RAVER2: variants seen among roughly 807,000 people sequenced by gnomAD.
RAVER2 encodes the protein ribonucleoprotein PTB-binding 2.
In RAVER2, 46 loss-of-function variants were observed where a neutral mutation model predicts 78.1. That is an observed-to-expected ratio of 0.59 (90% CI 0.46 to 0.75). The LOEUF (loss-of-function observed/expected upper bound fraction) is 0.75, where lower values mean the gene tolerates loss of function less well. Among genes scored for constraint, RAVER2 ranks in the 30% least tolerant of loss-of-function variants. RAVER2 has a pLI of 0.00. For synonymous variants in RAVER2, 311 were observed against 313.3 expected (o/e 0.99, Z 0.08); for missense variants, 793 against 837.5 (o/e 0.95, Z 0.66).
Position 64,801,892 on chromosome 1 carries a change from G to A in RAVER2, c.1106-1084G>A, listed in dbSNP as rs2100870078. Among the ~76,000 whole-genome samples the A allele has an allele frequency of 2.0e-5, 3 of 152,290 alleles. No homozygotes were observed. The South Asian group carries it at 6.2e-4, about 32-fold the overall frequency. ...CAAAAACAAACAAACAAAAAAGAAT[G>A]GCTGCTCCATAGGCAGAACAGTGGC... On this transcript the variant is annotated intron_variant, in intron 5 of 11. Coordinates refer to ENST00000294428, the Ensembl canonical transcript of RAVER2.
intron 7 of RAVER2, 55 bp from the exon 8 acceptor site, chr1:64,804,936 T>C: frequency 6.4e-7 from 1 of 1,564,284 alleles, no homozygotes; most frequent in Non-Finnish European, 8.8e-7. Context: ...GTGTGTAGCT[T>C]TTTTTAGGTT....
exon 12 of RAVER2, chr1:64,831,349 G>A (rs1432996275): frequency 5.0e-5 from 8 of 160,196 alleles, no homozygotes; most frequent in Non-Finnish European, 6.8e-5. Flanking sequence ...AGCCTTAGAA[G>A]AATGAGTTTC....
At chr1:64,750,518 C>T (rs1414435304) in intron 1 of RAVER2, among the ~76,000 whole-genome samples, 3 of 151,862 alleles carry the variant, frequency 2.0e-5, no homozygotes, top group Non-Finnish European at 2.9e-5. Context: ...TCTATGTTGC[C>T]CAGGCTGGTC....
rs139368535 is a variant in RAVER2, at chr1:64,826,177, G to A, written c.1930-4662G>A. Among the ~76,000 whole-genome samples the A allele has an allele frequency of 6.4e-3, 975 of 152,322 alleles. 7 individuals are homozygous for A. The highest frequency in any genetic ancestry group is 0.058 in the Middle Eastern group (17 of 294). On this transcript the variant is annotated intron_variant, in intron 11 of 11. Coordinates refer to ENST00000294428, the Ensembl canonical transcript of RAVER2. ...ATACTGAATGTCTACTATATGACAG[G>A]ACTGTTCTAGGCACTAGGGATATGG...
At chr1:64,830,719 G>C (rs1654106598) in intron 11 of RAVER2, 120 bp from the exon 12 acceptor site, 1 of 842,640 alleles carries the variant, frequency 1.2e-6, no homozygotes, top group African/African-American at 1.7e-5. Flanking sequence ...TGATAGTTTG[G>C]GTATTTATCC....
chr1:64,827,526 G>A (rs1654030966), intron 11 of RAVER2, among the ~76,000 whole-genome samples: 1 of 152,188 alleles, frequency 6.6e-6, no homozygotes, highest in African/African-American at 2.4e-5. Flanking sequence ...TGCTAAAGAT[G>A]AAGTCCTCTA....
At chr1:64,828,203 G>A (rs557509364) in intron 11 of RAVER2, among the ~76,000 whole-genome samples, 20 of 124,330 alleles carry the variant, frequency 1.6e-4, no homozygotes, top group Non-Finnish European at 2.5e-4. Context: ...AAAAGCTTTA[G>A]CACTTCACTT....
At chr1:64,794,844 T>C (rs554426553) in intron 5 of RAVER2, among the ~76,000 whole-genome samples, 5 of 152,254 alleles carry the variant, frequency 3.3e-5, no homozygotes, top group Non-Finnish European at 7.4e-5. Flanking sequence ...TTATTTTTTC[T>C]TTTATAATTT....
chr1:64,810,310 CA>C (rs1435816973), intron 9 of RAVER2, among the ~76,000 whole-genome samples: 1 of 152,140 alleles, frequency 6.6e-6, no homozygotes, highest in Non-Finnish European at 1.5e-5. Context: ...ATTTATTTCT[CA>C]CAGTTTGAGA....
Position 64,777,615 on chromosome 1 carries a change from T to C in RAVER2, c.317-8T>C, listed in dbSNP as rs1351928426. On this transcript the variant is annotated splice_polypyrimidine_tract_variant and splice_region_variant and intron_variant, in intron 2 of 11. Coordinates refer to ENST00000294428, the Ensembl canonical transcript of RAVER2. ...GAAAACTCTTTAATTCATTTCGTTA[T>C]CTTCCAGCTTTTGTTACCTTATTGA... is the stretch of plus-strand genomic sequence containing the variant. 1 of 1,587,176 alleles carries C rather than the reference T, an allele frequency of 6.3e-7. No homozygotes were observed. The highest frequency in any genetic ancestry group is 1.1e-5 in the South Asian group (1 of 87,342).
At chr1:64,814,422 C>T (rs1430514817) in intron 10 of RAVER2, among the ~76,000 whole-genome samples, 1 of 151,946 alleles carries the variant, frequency 6.6e-6, no homozygotes, top group Non-Finnish European at 1.5e-5. Context: ...TGTTTTTGAA[C>T]CTTTCCACCA....
Position 64,745,209 on chromosome 1 carries a change from G to C in RAVER2, c.37G>C (p.Gly13Arg). Residue 13 changes from glycine to arginine, a missense_variant, in exon 1 of 12, where the codon GGC (glycine) becomes CGC (arginine). Transcript: ENST00000294428. This position sits in a 1 kb window ranked among gnomAD's most constrained non-coding sequence, Gnocchi z 4.3. ...GGCGGGAGACGGCGGCGGCGAGGGG[G>C]GCGCGGGCCTGGGCAGCGCGGCGGG... The C allele has an allele frequency of 1.9e-6, 2 of 1,054,296 alleles. No individual in the cohort carries two copies. The highest frequency in any genetic ancestry group is 2.3e-6 in the Non-Finnish European group (2 of 875,888). The allele number at this position is 1,054,296 out of a possible 1,614,324, so 65.3% of individuals were successfully genotyped here.
intron 10 of RAVER2, 136 bp downstream of exon 10, chr1:64,812,985 G>T: frequency 5.6e-6 from 3 of 531,998 alleles, no homozygotes; most frequent in Non-Finnish European, 9.5e-6. Context: ...TCTTTAAATT[G>T]AAAGAATAAT....
intron 2 of RAVER2, among the ~76,000 whole-genome samples, chr1:64,775,534 A>G (rs1331151942): frequency 6.6e-6 from 1 of 152,118 alleles, no homozygotes; most frequent in African/African-American, 2.4e-5. Context: ...TAGAGTGCGA[A>G]AAAAGATATT....
exon 4 of RAVER2, chr1:64,781,560 G>A: frequency 6.2e-7 from 1 of 1,610,146 alleles, no homozygotes; most frequent in South Asian, 1.1e-5. Context: ...ATTGATAGCG[G>A]CTCAACGTGT....
At chr1:64,787,991 T>C (rs1026106388) in intron 4 of RAVER2, among the ~76,000 whole-genome samples, 4 of 152,316 alleles carry the variant, frequency 2.6e-5, no homozygotes, top group African/African-American at 9.6e-5. Flanking sequence ...CCGTTCTCCA[T>C]TTTCTCATAG....
At chr1:64,766,358 C>G (rs1373965618) in intron 1 of RAVER2, among the ~76,000 whole-genome samples, 3 of 152,152 alleles carry the variant, frequency 2.0e-5, no homozygotes, top group Non-Finnish European at 4.4e-5. Flanking sequence ...TATTGGGACT[C>G]TCTTTCAGGT....
chr1:64,824,595 T>C (rs997530875), intron 11 of RAVER2, among the ~76,000 whole-genome samples: 2 of 152,094 alleles, frequency 1.3e-5, no homozygotes, highest in African/African-American at 4.8e-5. Context: ...TTTTAAAAAG[T>C]GATTTTGGTT....
At chr1:64,765,808 C>T (rs891647363) in intron 1 of RAVER2, among the ~76,000 whole-genome samples, 3 of 152,280 alleles carry the variant, frequency 2.0e-5, no homozygotes, top group Non-Finnish European at 2.9e-5. Flanking sequence ...TGAACAAAAA[C>T]GTGCTTCCAT....
Sources: allele counts gnomAD v4.1 joint callset (sites outside exome capture counted in the v4.1 genomes callset), GRCh38; gene constraint gnomAD v4.1.1; non-coding constraint Gnocchi (gnomAD v3.1); transcripts MANE v1.5; gene names NCBI Gene and HGNC (gene_info 2026-07-23, HGNC 2026-07-21).